CCM2: variants seen among roughly 807,000 people sequenced by gnomAD.
CCM2 encodes the protein cerebral cavernous malformations 2 protein.
CCM2 carries 25 observed loss-of-function variants against 44.9 expected under a neutral mutation model. The ratio of observed to expected loss-of-function variants is 0.56; its 90% CI spans 0.41 to 0.78. CCM2 has a LOEUF of 0.78. Among genes scored for constraint, CCM2 ranks in the 30% least tolerant of loss-of-function variants. CCM2 has a pLI of 0.00. For missense variants in CCM2, 481 were observed against 580.6 expected (o/e 0.83, Z 1.76); for synonymous variants, 219 against 241.1 (o/e 0.91, Z 0.85).
intron 1 of CCM2, among the ~76,000 whole-genome samples, chr7:45,016,693 C>T (rs186590821): frequency 6.6e-6 from 1 of 150,624 alleles, no homozygotes; most frequent in African/African-American, 2.4e-5. Context: ...AGTGCAGTGG[C>T]GCGATCCTGG....
At chr7:45,031,746 AT>A (rs544120743) in intron 1 of CCM2, among the ~76,000 whole-genome samples, 2 of 151,376 alleles carry the variant, frequency 1.3e-5, no homozygotes, top group African/African-American at 4.9e-5. Flanking sequence ...TAATTTTTGT[AT>A]TTTTTTTAAA....
intron 2 of CCM2, among the ~76,000 whole-genome samples, chr7:45,059,559 A>G (rs1377603356): frequency 2.0e-5 from 3 of 152,196 alleles, no homozygotes; most frequent in Non-Finnish European, 4.4e-5. Context: ...AGCCTGGGCA[A>G]CATGGCAAAA....
Position 45,013,017 on chromosome 7 carries a change from A to C in CCM2, c.30+12654A>C, listed in dbSNP as rs563612809. On this transcript the variant is annotated intron_variant, in intron 1 of 9. Transcript: ENST00000258781. The stretch of plus-strand genomic sequence containing the variant: ...TACATAATTGATGTCATTATGTTTA[A>C]GTCTATCATTTTGATATTTGTTTTC... 3.9e-5 allele frequency among the ~76,000 whole-genome samples: 6 copies of C among 152,214 alleles called. No homozygotes were observed. In the East Asian group the frequency reaches 1.2e-3, roughly 29 times the overall value.
At chr7:45,035,111 T>C (rs141564040) in intron 1 of CCM2, among the ~76,000 whole-genome samples, 101 of 152,072 alleles carry the variant, frequency 6.6e-4, no homozygotes, top group African/African-American at 2.2e-3. Flanking sequence ...GTTGGGATTA[T>C]AGGCGTGAGC....
At chr7:45,037,490 T>G (rs1450395467) in intron 1 of CCM2, among the ~76,000 whole-genome samples, 1 of 145,570 alleles carries the variant, frequency 6.9e-6, no homozygotes, top group Non-Finnish European at 1.5e-5. Context: ...GCATCTCGGC[T>G]CACTGCAATC....
chr7:45,075,613 T>G (rs1426780166), intron 9 of CCM2, among the ~76,000 whole-genome samples, 164 bp from the exon 10 acceptor site: 1 of 152,122 alleles, frequency 6.6e-6, no homozygotes, highest in Non-Finnish European at 1.5e-5. Flanking sequence ...CCAGGAAGCA[T>G]GATTTCAACC....
intron 1 of CCM2, among the ~76,000 whole-genome samples, chr7:45,001,276 G>T (rs1433329187): frequency 6.6e-6 from 1 of 152,364 alleles, no homozygotes; most frequent in Non-Finnish European, 1.5e-5. Flanking sequence ...CCTTCAGGGA[G>T]TCCTGTGGTG....
intron 2 of CCM2, among the ~76,000 whole-genome samples, chr7:45,053,035 C>A (rs2128741227): frequency 1.3e-5 from 2 of 152,352 alleles, no homozygotes; most frequent in Admixed American, 1.3e-4. Flanking sequence ...CCAGTGGAGT[C>A]TTTACCCAGT....
intron 1 of CCM2, chr7:45,027,317 T>G (rs1395333177): frequency 2.9e-6 from 1 of 346,004 alleles, no homozygotes; most frequent in African/African-American, 2.1e-5. Flanking sequence ...CTCCAGGAAA[T>G]GGTAGCCCCT....
intron 8 of CCM2, chr7:45,073,997 C>A: frequency 1.6e-6 from 1 of 635,824 alleles, no homozygotes; most frequent in Non-Finnish European, 2.6e-6. Context: ...CAACTTCCAC[C>A]CTGCCCTGCT....
intron 4 of CCM2, among the ~76,000 whole-genome samples, chr7:45,067,324 C>T (rs2128749265): frequency 6.6e-6 from 1 of 151,914 alleles, no homozygotes; most frequent in Non-Finnish European, 1.5e-5. Flanking sequence ...CCACGCCCAG[C>T]TAATTTTTTT....
At chr7:45,074,485 C>A in intron 9 of CCM2, 77 bp downstream of exon 9, 1 of 1,238,790 alleles carries the variant, frequency 8.1e-7, no homozygotes, top group Non-Finnish European at 1.2e-6. Context: ...AATGTGCACA[C>A]GGACCCCTCA....
intron 1 of CCM2, 56 bp from the exon 2 acceptor site, chr7:45,038,197 A>G (rs1002243436): frequency 2.5e-6 from 4 of 1,601,266 alleles, no homozygotes; most frequent in African/African-American, 2.7e-5. Flanking sequence ...AACCATAGGT[A>G]CAACACAAAG....
intron 1 of CCM2, among the ~76,000 whole-genome samples, chr7:45,037,029 T>G (rs757928670): frequency 6.6e-6 from 1 of 152,172 alleles, no homozygotes; most frequent in Non-Finnish European, 1.5e-5. Flanking sequence ...TTTGCAGGCC[T>G]GCGTGATGTT....
chr7:45,055,004 G>GA (rs1438765808), intron 2 of CCM2, among the ~76,000 whole-genome samples: 1 of 152,128 alleles, frequency 6.6e-6, no homozygotes, highest in East Asian at 1.9e-4. Flanking sequence ...ATTTCACAGT[G>GA]AAAAAAATCT....
At chr7:45,059,726 A>C (rs1419545568) in intron 2 of CCM2, among the ~76,000 whole-genome samples, 1 of 152,226 alleles carries the variant, frequency 6.6e-6, no homozygotes, top group African/African-American at 2.4e-5. Flanking sequence ...CAACAGAGCA[A>C]GACCCTGTCT....
At chr7:45,059,748 A>G (rs1037908386) in intron 2 of CCM2, among the ~76,000 whole-genome samples, 1 of 152,142 alleles carries the variant, frequency 6.6e-6, no homozygotes, top group African/African-American at 2.4e-5. Context: ...AAAAATGTGT[A>G]TGTGTGTATA....
At chr7:45,023,615 G>T (rs1796567010) in intron 1 of CCM2, among the ~76,000 whole-genome samples, 1 of 151,976 alleles carries the variant, frequency 6.6e-6, no homozygotes, top group Admixed American at 6.6e-5. Flanking sequence ...ACAAAAACAG[G>T]TGGCTTGCCT....
At chr7:45,046,640 A>G (rs1338628815) in intron 2 of CCM2, among the ~76,000 whole-genome samples, 2 of 152,250 alleles carry the variant, frequency 1.3e-5, no homozygotes, top group African/African-American at 2.4e-5. Flanking sequence ...TACAACTTCT[A>G]GGATAAAACA....
Sources: gnomAD v4.1 joint callset for allele counts (sites outside exome capture counted in the v4.1 genomes callset) on GRCh38, gnomAD v4.1.1 for gene constraint, MANE v1.5 for transcripts, NCBI Gene and HGNC (gene_info 2026-07-23, HGNC 2026-07-21) for gene names.